Variants in CTNND2 observed in about 807,000 individuals in gnomAD.
CTNND2 encodes catenin delta 2, also known as catenin delta-2.
In CTNND2, 22 loss-of-function variants were observed where a neutral mutation model predicts 144.4. The observed-to-expected ratio is 0.15, with a 90% CI of 0.11 to 0.22. The LOEUF (loss-of-function observed/expected upper bound fraction) is 0.22, where lower values mean the gene tolerates loss of function less well. Among genes scored for constraint, CTNND2 ranks in the 10% least tolerant of loss-of-function variants. The pLI is 1.00. For synonymous variants in CTNND2, 751 were observed against 695.6 expected, an observed-to-expected ratio of 1.08 and a Z score of -1.25; for missense variants, 1,353 against 1,618.8, an observed-to-expected ratio of 0.84 and a Z score of 2.82.
intron 20 of CTNND2, among the ~76,000 whole-genome samples, chr5:10,984,951 G>A (rs1271097555): frequency 6.6e-6 from 1 of 152,094 alleles, no homozygotes; most frequent in East Asian, 1.9e-4. Flanking sequence ...GCAGGTGCCT[G>A]TAATCCCAGC....
chr5:11,415,987 A>G (rs559372561), intron 3 of CTNND2, among the ~76,000 whole-genome samples: 5 of 152,312 alleles, frequency 3.3e-5, no homozygotes, highest in Non-Finnish European at 5.9e-5. Flanking sequence ...TGAGAAACAA[A>G]TAATTGTTGT....
chr5:11,589,282 A>AAC (rs34009518), intron 2 of CTNND2, among the ~76,000 whole-genome samples: 5,670 of 146,662 alleles, frequency 0.039, 121 homozygotes, highest in South Asian at 0.061. Flanking sequence ...TTAACATTAA[A>AAC]ACACACACAC....
At chr5:11,692,628 GTATCGCTCTGT>G (rs1190412160) in intron 2 of CTNND2, among the ~76,000 whole-genome samples, 2 of 152,244 alleles carry the variant, frequency 1.3e-5, no homozygotes, top group Admixed American at 1.3e-4. Flanking sequence ...TTGAGATGGA[GTATCGCTCTGT>G]TGCCCAGGCT....
intron 1 of CTNND2, among the ~76,000 whole-genome samples, chr5:11,826,596 T>G (rs1267351933): frequency 6.6e-6 from 1 of 151,930 alleles, no homozygotes; most frequent in Non-Finnish European, 1.5e-5. Flanking sequence ...CAATCTAATA[T>G]GGTCAACATA....
At position 11,790,158 on chromosome 5, in the gene CTNND2, C is replaced by T. The variant is rs188490902; in HGVS notation, c.38-57886G>A. ...TCATTTACTGATTTCCATTTCTGGCCGGGTTACTGGGGTATCCTGTATTGC... is the reference window on the plus strand; with the variant it reads ...TCATTTACTGATTTCCATTTCTGGCTGGGTTACTGGGGTATCCTGTATTGC... On this transcript the variant is annotated intron_variant, in intron 1 of 21. Coordinates refer to ENST00000304623, the MANE Select transcript of CTNND2 (RefSeq NM_001332.4). 1.2e-4 allele frequency among the ~76,000 whole-genome samples: 18 copies of T among 152,122 alleles called. No individual in the cohort carries two copies. In the East Asian group the frequency reaches 2.7e-3, roughly 23 times the overall value.
chr5:11,162,001 G>A (rs1264387681), intron 11 of CTNND2, among the ~76,000 whole-genome samples: 1 of 151,812 alleles, frequency 6.6e-6, no homozygotes, highest in East Asian at 1.9e-4. Context: ...AATACAAAAA[G>A]TAGCTGGGTG....
At chr5:11,230,941 G>A (rs1740934159) in intron 10 of CTNND2, among the ~76,000 whole-genome samples, 1 of 151,898 alleles carries the variant, frequency 6.6e-6, no homozygotes, top group African/African-American at 2.4e-5. Context: ...CCTCACTGCT[G>A]GGAGGGTGAT....
intron 7 of CTNND2, among the ~76,000 whole-genome samples, chr5:11,373,075 C>G (rs543650033): frequency 6.6e-6 from 1 of 152,252 alleles, no homozygotes; most frequent in Admixed American, 6.5e-5. Flanking sequence ...TCTGCAAGCA[C>G]AAGCTGTGCT....
At chr5:11,448,149 C>T (rs1427776586) in intron 3 of CTNND2, among the ~76,000 whole-genome samples, 1 of 152,104 alleles carries the variant, frequency 6.6e-6, no homozygotes, top group Admixed American at 6.5e-5. Context: ...TGAGGATTAG[C>T]TGTGCTGTTC....
chr5:11,819,066 T>A (rs986399672), intron 1 of CTNND2, among the ~76,000 whole-genome samples: 1 of 152,228 alleles, frequency 6.6e-6, no homozygotes. Context: ...TCCTTGAAGA[T>A]CTTAATTGAA....
chr5:11,382,595 C>CTCTGTGTGTG (rs1554046368), intron 7 of CTNND2, among the ~76,000 whole-genome samples: 1 of 130,148 alleles, frequency 7.7e-6, no homozygotes, highest in African/African-American at 3.0e-5. Flanking sequence ...GAGTGAGACT[C>CTCTGTGTGTG]TGTGTGTGTG....
At chr5:11,156,661 A>G (rs1477289746) in intron 12 of CTNND2, among the ~76,000 whole-genome samples, 1 of 152,224 alleles carries the variant, frequency 6.6e-6, no homozygotes, top group Non-Finnish European at 1.5e-5. Context: ...CTTAAAATAT[A>G]GTCTTATTTT....
At chr5:11,445,100 G>A (rs1029264185) in intron 3 of CTNND2, among the ~76,000 whole-genome samples, 1 of 152,186 alleles carries the variant, frequency 6.6e-6, no homozygotes, top group Non-Finnish European at 1.5e-5. Context: ...GAAGTCTGAA[G>A]TGAGGATGCT....
intron 2 of CTNND2, among the ~76,000 whole-genome samples, chr5:11,690,020 T>A (rs893292976): frequency 2.0e-5 from 3 of 152,230 alleles, no homozygotes; most frequent in African/African-American, 7.2e-5. Context: ...GGGAAATCTA[T>A]CTTGTTCTTT....
intron 9 of CTNND2, among the ~76,000 whole-genome samples, chr5:11,300,223 A>T (rs1012698057): frequency 3.3e-5 from 5 of 152,128 alleles, no homozygotes; most frequent in Admixed American, 3.3e-4. Flanking sequence ...GGTCTCCAGC[A>T]GAAACAGCTA....
intron 12 of CTNND2, among the ~76,000 whole-genome samples, chr5:11,153,776 A>G (rs912940600): frequency 3.3e-5 from 5 of 152,224 alleles, no homozygotes. Flanking sequence ...CTGAAGTGGG[A>G]ATAGAATAAT....
At chr5:11,435,340 C>T (rs1763672752) in intron 3 of CTNND2, among the ~76,000 whole-genome samples, 1 of 151,858 alleles carries the variant, frequency 6.6e-6, no homozygotes, top group African/African-American at 2.4e-5. Flanking sequence ...GATGGGGTTT[C>T]ACCGTGTTAG....
chr5:11,591,764 T>C (rs891218970), intron 2 of CTNND2, among the ~76,000 whole-genome samples: 1 of 152,182 alleles, frequency 6.6e-6, no homozygotes, highest in Non-Finnish European at 1.5e-5. Flanking sequence ...TGTTTTTGTG[T>C]TCCTTTATTC....
At chr5:11,264,547 T>G (rs1446735939) in intron 9 of CTNND2, among the ~76,000 whole-genome samples, 14 of 152,332 alleles carry the variant, frequency 9.2e-5, no homozygotes, top group African/African-American at 3.4e-4. Context: ...CCCTGGAGTT[T>G]CAACTGACAC....
Sources: allele counts gnomAD v4.1 joint callset (sites outside exome capture counted in the v4.1 genomes callset), GRCh38; gene constraint gnomAD v4.1.1; transcripts MANE v1.5; gene names NCBI Gene and HGNC (gene_info 2026-07-23, HGNC 2026-07-21).